The following PLEKHG5 variants were observed in gnomAD, a reference collection of about 807,000 sequenced individuals.
PLEKHG5 encodes the protein pleckstrin homology domain-containing family G member 5.
In PLEKHG5, 52 loss-of-function variants were observed where a neutral mutation model predicts 103.8. That is an observed-to-expected ratio of 0.50 (90% CI 0.40 to 0.63). PLEKHG5 has a LOEUF of 0.63. PLEKHG5 is among the 30% of genes least tolerant of loss of function. The pLI is 0.00. For synonymous variants in PLEKHG5, 592 were observed against 575.5 expected, an observed-to-expected ratio of 1.03 and a Z score of -0.41; for missense variants, 1,205 against 1,347.6, an observed-to-expected ratio of 0.89 and a Z score of 1.66.
At chr1:6,519,935 C>G (rs1011991261) in exon 1 of PLEKHG5, 1 of 279,422 alleles carries the variant, frequency 3.6e-6, no homozygotes, top group African/African-American at 2.2e-5. Flanking sequence ...CCACAGAGAC[C>G]CCGGCCTCTG....
chr1:6,518,956 G>C (rs1160943284), intron 1 of PLEKHG5, among the ~76,000 whole-genome samples: 1 of 152,190 alleles, frequency 6.6e-6, no homozygotes, highest in Non-Finnish European at 1.5e-5. Context: ...CCATTCTCCT[G>C]CCTTAGCCTC....
intron 1 of PLEKHG5, among the ~76,000 whole-genome samples, chr1:6,503,310 G>A (rs374589751): frequency 4.8e-4 from 73 of 152,230 alleles, no homozygotes; most frequent in African/African-American, 1.7e-3. Flanking sequence ...CCAGCTGCTT[G>A]GGAGGCTGAG....
chr1:6,467,434 G>A lies in PLEKHG5; in HGVS notation c.*129C>T. ...AAGCGCAAATCGGGCCCGGGCGTAG[G>A]CAGGGATCCTGCCCAGCATCCGGCT... On this transcript the variant is annotated 3_prime_UTR_variant, in exon 21 of 21. Coordinates refer to ENST00000377728, the MANE Select transcript of PLEKHG5 (RefSeq NM_020631.6). 3 of 996,684 alleles carry A rather than the reference G, an allele frequency of 3.0e-6. No homozygotes were observed. The highest frequency in any genetic ancestry group is 2.4e-5 in the East Asian group (1 of 42,190). 61.7% of individuals were successfully genotyped at this position (996,684 alleles called of 1,614,324 possible).
At chr1:6,509,221 G>A (rs1050958412) in intron 1 of PLEKHG5, among the ~76,000 whole-genome samples, 3 of 152,238 alleles carry the variant, frequency 2.0e-5, no homozygotes, top group Non-Finnish European at 4.4e-5. Flanking sequence ...TGGGCCCGGA[G>A]ACCCTAAGAT....
upstream of PLEKHG5, chr1:6,496,962 C>G: frequency 1.3e-6 from 2 of 1,529,772 alleles, no homozygotes; most frequent in Non-Finnish European, 1.7e-6. Context: ...ACCTTACGCC[C>G]TGCATCGCTC....
chr1:6,517,306 CA>C (rs779260887), intron 1 of PLEKHG5, among the ~76,000 whole-genome samples: 5,248 of 62,448 alleles, frequency 0.084, 163 homozygotes, highest in Middle Eastern at 0.2. Flanking sequence ...GACTCCATCT[CA>C]AAAAAAAAAA....
At chr1:6,479,842 C>T (rs1381504403) in intron 1 of PLEKHG5, among the ~76,000 whole-genome samples, 4 of 152,072 alleles carry the variant, frequency 2.6e-5, no homozygotes, top group African/African-American at 4.8e-5. Context: ...AACTCCTGGG[C>T]TCAAGCAATC....
intron 9 of PLEKHG5, 129 bp from the exon 10 acceptor site, chr1:6,472,751 C>A: frequency 1.3e-6 from 1 of 763,634 alleles, no homozygotes; most frequent in South Asian, 1.5e-5. Context: ...GGAGCAGGGT[C>A]ACCCTTGACA....
upstream of PLEKHG5, among the ~76,000 whole-genome samples, chr1:6,501,291 T>C (rs1645294352): frequency 6.6e-6 from 1 of 152,134 alleles, no homozygotes; most frequent in African/African-American, 2.4e-5. The surrounding 1 kb of genome is among the most constrained non-coding windows in gnomAD (Gnocchi z 4.3). Context: ...CCCTTCTTGG[T>C]GCTATTCCTT....
upstream of PLEKHG5, among the ~76,000 whole-genome samples, chr1:6,501,561 C>T (rs755760316): frequency 1.3e-5 from 2 of 152,186 alleles, no homozygotes; most frequent in Non-Finnish European, 2.9e-5. The surrounding 1 kb of genome is among the most constrained non-coding windows in gnomAD (Gnocchi z 4.3). Flanking sequence ...ACTCTGCTGT[C>T]CATAGATGGT....
chr1:6,478,328 T>G (rs370922414), intron 1 of PLEKHG5, among the ~76,000 whole-genome samples: 1 of 151,970 alleles, frequency 6.6e-6, no homozygotes, highest in African/African-American at 2.4e-5. Flanking sequence ...CACACCACCA[T>G]AGGCGAGTGT....
chr1:6,513,394 G>C (rs1011004362), intron 1 of PLEKHG5, among the ~76,000 whole-genome samples: 1 of 152,222 alleles, frequency 6.6e-6, no homozygotes, highest in South Asian at 2.1e-4. Flanking sequence ...CTGGATGCCC[G>C]CCTGGGGTCA....
At position 6,473,425 on chromosome 1, in the gene PLEKHG5, C is replaced by T. The variant is rs973366523; in HGVS notation, c.621G>A (p.Ser207=). The part of the protein sequence containing the change: ...LAPGRRRKNM[S]EFLGEASIPG... ...GGATGCTCGCCTCCCCCAGGAACTC[C>T]GACATGTTCTTGCGGCGGCGGCCAG... is the stretch of plus-strand genomic sequence containing the variant. Residue 207 remains serine (S), a synonymous_variant, in exon 8 of 21, where the codon TCG becomes TCA. Coordinates refer to ENST00000377728, the MANE Select transcript of PLEKHG5 (RefSeq NM_020631.6). The T allele has an allele frequency of 7.8e-6, 12 of 1,540,288 alleles. No homozygotes were observed. The highest frequency in any genetic ancestry group is 4.8e-5 in the South Asian group (4 of 83,644).
At chr1:6,515,132 G>A (rs1178680016) in intron 1 of PLEKHG5, among the ~76,000 whole-genome samples, 1 of 151,086 alleles carries the variant, frequency 6.6e-6, no homozygotes, top group Admixed American at 6.6e-5. Context: ...AATAGACAAT[G>A]TGCTAAATGC....
In PLEKHG5 at chr1:6,486,482, G is replaced by T. The variant is rs778550843; in HGVS notation, c.-88+5155C>A. ...CGGCAGAGGCCGAGAGCCAAAGGCC[G>T]GTGGCCTCTGGAAAGGGCCGTGGGC... On this transcript the variant is annotated intron_variant, in intron 1 of 20. Transcript: ENST00000377728. This position sits in a 1 kb window ranked among gnomAD's most constrained non-coding sequence, Gnocchi z 5.3. 6.6e-6 allele frequency among the ~76,000 whole-genome samples: 1 copy of T among 152,238 alleles called. No homozygotes were observed. The highest frequency in any genetic ancestry group is 6.5e-5 in the Admixed American group (1 of 15,286).
intron 19 of PLEKHG5, 78 bp downstream of exon 19, chr1:6,468,964 C>T (rs570920666): frequency 1.6e-4 from 190 of 1,181,002 alleles, no homozygotes; most frequent in Non-Finnish European, 2.1e-4. Flanking sequence ...AGGAAGGGAG[C>T]GTGGCTGGGC....
At chr1:6,519,367 A>G in intron 1 of PLEKHG5, 2 of 1,149,830 alleles carry the variant, frequency 1.7e-6, no homozygotes, top group Non-Finnish European at 2.6e-6. Context: ...GGAGCCCTCC[A>G]AGACCTGCAA....
chr1:6,504,911 C>G (rs1200636760), intron 1 of PLEKHG5, among the ~76,000 whole-genome samples: 3 of 152,188 alleles, frequency 2.0e-5, no homozygotes, highest in Non-Finnish European at 4.4e-5. Flanking sequence ...GGTCTGCGGG[C>G]TCCCTCTTGC....
chr1:6,516,959 C>T (rs957226531), intron 1 of PLEKHG5, among the ~76,000 whole-genome samples: 4 of 148,084 alleles, frequency 2.7e-5, no homozygotes, highest in African/African-American at 5.0e-5. Flanking sequence ...AAAAGTAATA[C>T]CTCTGTGGCT....
Sources: allele counts gnomAD v4.1 joint callset (sites outside exome capture counted in the v4.1 genomes callset), GRCh38; gene constraint gnomAD v4.1.1; non-coding constraint Gnocchi (gnomAD v3.1); transcripts MANE v1.5; gene names NCBI Gene and HGNC (gene_info 2026-07-23, HGNC 2026-07-21).